VANGL2: variants seen among roughly 807,000 people sequenced by gnomAD.
VANGL2 encodes vang-like protein 2.
In VANGL2, 14 loss-of-function variants were observed where a neutral mutation model predicts 50.2. The observed-to-expected ratio is 0.28, with a 90% confidence interval of 0.18 to 0.44. VANGL2 has a LOEUF of 0.44. VANGL2 is among the 20% of genes least tolerant of loss of function. The pLI is 1.00. For missense variants in VANGL2, 533 were observed against 701.5 expected, an observed-to-expected ratio of 0.76 and a Z score of 2.71; for synonymous variants, 295 against 297.2, an observed-to-expected ratio of 0.99 and a Z score of 0.08.
intron 1 of VANGL2, among the ~76,000 whole-genome samples, chr1:160,404,471 A>C (rs899425681): frequency 6.6e-6 from 1 of 152,214 alleles, no homozygotes; most frequent in Non-Finnish European, 1.5e-5. Context: ...CATTTAGTAC[A>C]TTCACAGTGC....
intron 7 of VANGL2, 93 bp downstream of exon 7, chr1:160,424,376 A>C: frequency 8.1e-7 from 1 of 1,228,260 alleles, no homozygotes; most frequent in Non-Finnish European, 1.2e-6. Flanking sequence ...TACTTTCCTC[A>C]CTGTCCACCT....
chr1:160,415,222 G>T (rs965875796), intron 1 of VANGL2, among the ~76,000 whole-genome samples: 1 of 152,178 alleles, frequency 6.6e-6, no homozygotes, highest in African/African-American at 2.4e-5. Context: ...GCCTGGGGTA[G>T]CCCCTGGACA....
At chr1:160,418,458 G>GTT (rs1234487986) in intron 3 of VANGL2, among the ~76,000 whole-genome samples, 1 of 141,536 alleles carries the variant, frequency 7.1e-6, no homozygotes, top group Non-Finnish European at 1.6e-5. Flanking sequence ...GGAGTTTTTT[G>GTT]TTTTTTTTTT....
At chr1:160,413,338 T>C (rs1233623054) in intron 1 of VANGL2, among the ~76,000 whole-genome samples, 1 of 151,366 alleles carries the variant, frequency 6.6e-6, no homozygotes, top group Non-Finnish European at 1.5e-5. Flanking sequence ...TGGAGTGTAG[T>C]GGCATGATCT....
Position 160,420,499 on chromosome 1 carries a change from G to C in VANGL2, c.889G>C (p.Val297Leu). 6.2e-7 allele frequency: 1 copy of C among 1,614,018 alleles called. No individual in the cohort carries two copies. The highest frequency in any genetic ancestry group is 8.5e-7 in the Non-Finnish European group (1 of 1,180,008). Reference protein sequence around the residue: ...NPALLNLPKSVLAKKVSGFKV... With the variant: ...NPALLNLPKSLLAKKVSGFKV... ...TGCCCTCCTCAACCTGCCCAAGTCC[G>C]TCCTGGCCAAGAAAGTGTCTGGCTT... Residue 297 changes from valine (V) to leucine (L), a missense_variant, in exon 5 of 8, where the codon GTC becomes CTC. Physicochemically the swap from Val to Leu is conservative, Grantham distance 32. Coordinates refer to ENST00000368061, the MANE Select transcript of VANGL2 (RefSeq NM_020335.3).
At position 160,427,554 on chromosome 1, in the gene VANGL2, C is replaced by CATTATTATTATTATT. The variant is rs112160063; in HGVS notation, c.*2193_*2207dup. The CATTATTATTATTATT allele has an allele frequency of 3.8e-4, 55 of 146,554 alleles. No homozygotes were observed. Among genetic ancestry groups the CATTATTATTATTATT allele is most frequent in the South Asian group, 8.7e-4 (4 of 4,598 alleles). 9.1% of individuals were successfully genotyped at this position (146,554 alleles called of 1,614,324 possible). A position where few individuals can be genotyped will look rare whatever the true frequency, so the allele number is the denominator to read the frequency against. On this transcript the variant is annotated 3_prime_UTR_variant, in exon 8 of 8. Coordinates refer to ENST00000368061, the MANE Select transcript of VANGL2 (RefSeq NM_020335.3). ...GAACTGTGGTATCTTTGTCTTTTTT[C>CATTATTATTATTATT]ATTATTATTATTATTATTATTATTA... is the stretch of plus-strand genomic sequence containing the variant.
At chr1:160,401,673 C>A (rs1391769868) in intron 1 of VANGL2, among the ~76,000 whole-genome samples, 1 of 151,866 alleles carries the variant, frequency 6.6e-6, no homozygotes. Flanking sequence ...AGCGGCTGAC[C>A]ATGCATCTGC....
At position 160,415,705 on chromosome 1, in the gene VANGL2, C is replaced by A; in HGVS notation, c.-133C>A. The A allele has an allele frequency of 9.7e-7, 1 of 1,026,878 alleles. No individual in the cohort carries two copies. The highest frequency in any genetic ancestry group is 1.5e-6 in the Non-Finnish European group (1 of 678,940). 63.6% of individuals were successfully genotyped at this position (1,026,878 alleles called of 1,614,324 possible). ...ACCCGTCCAGCAAAATAGAGTCCCTCAGGGTGACAGTTGACTTCCTGAAGG... is the reference window on the plus strand; with the variant it reads ...ACCCGTCCAGCAAAATAGAGTCCCTAAGGGTGACAGTTGACTTCCTGAAGG... On this transcript the variant is annotated 5_prime_UTR_variant, in exon 2 of 8. Coordinates refer to ENST00000368061, the MANE Select transcript of VANGL2 (RefSeq NM_020335.3).
intron 7 of VANGL2, among the ~76,000 whole-genome samples, 172 bp downstream of exon 7, chr1:160,424,455 G>C (rs1245103693): frequency 6.6e-6 from 1 of 152,024 alleles, no homozygotes; most frequent in African/African-American, 2.4e-5. Context: ...TGCCCCATCT[G>C]TGTGGGGTGA....
intron 7 of VANGL2, among the ~76,000 whole-genome samples, chr1:160,424,501 G>C (rs1651384866): frequency 6.6e-6 from 1 of 152,130 alleles, no homozygotes; most frequent in Non-Finnish European, 1.5e-5. Flanking sequence ...GAGTCCTCAG[G>C]ACCATTTTGG....
intron 4 of VANGL2, among the ~76,000 whole-genome samples, 160 bp from the exon 5 acceptor site, chr1:160,420,251 C>T (rs1651219960): frequency 6.6e-6 from 1 of 152,020 alleles, no homozygotes; most frequent in Non-Finnish European, 1.5e-5. Context: ...GGCTTGGGAG[C>T]CTGGTAAGTA....
At chr1:160,414,869 G>C (rs1651000003) in intron 1 of VANGL2, among the ~76,000 whole-genome samples, 1 of 152,080 alleles carries the variant, frequency 6.6e-6, no homozygotes, top group African/African-American at 2.4e-5. Flanking sequence ...AGAGAGAGGA[G>C]AGGTCATTCT....
intron 1 of VANGL2, among the ~76,000 whole-genome samples, chr1:160,409,290 C>T (rs1190608294): frequency 3.3e-5 from 5 of 152,170 alleles, no homozygotes; most frequent in African/African-American, 9.7e-5. Context: ...AATGGGCTGC[C>T]GTAGAAGTAG....
intron 6 of VANGL2, among the ~76,000 whole-genome samples, chr1:160,423,402 A>C (rs1219597059): frequency 6.6e-6 from 1 of 152,224 alleles, no homozygotes; most frequent in Non-Finnish European, 1.5e-5. Flanking sequence ...TTTTGATGGA[A>C]AAGTAATATT....
At chr1:160,409,884 T>C (rs994022424) in intron 1 of VANGL2, among the ~76,000 whole-genome samples, 1 of 152,150 alleles carries the variant, frequency 6.6e-6, no homozygotes, top group African/African-American at 2.4e-5. Context: ...ATTGATATCC[T>C]TGGACCTTGG....
Position 160,415,861 on chromosome 1 carries a change from G to C in VANGL2, c.24G>C (p.Ser8=), listed in dbSNP as rs138071353. 1.7e-5 allele frequency: 27 copies of C among 1,613,882 alleles called. No individual in the cohort carries two copies. The highest frequency in any genetic ancestry group is 1.9e-5 in the Non-Finnish European group (23 of 1,179,984). MDTESQY[S]GYSYKSGHSR... ...CCATGGACACCGAGTCCCAGTACTC[G>C]GGCTATTCCTACAAGTCGGGCCACT... The change falls in exon 2 of 8, where the codon TCG becomes TCC. Residue 8 remains serine (S), a synonymous_variant. Transcript: ENST00000368061.
intron 7 of VANGL2, 36 bp downstream of exon 7, chr1:160,424,319 C>G (rs902358385): frequency 5.7e-6 from 9 of 1,590,244 alleles, no homozygotes; most frequent in Non-Finnish European, 7.8e-6. Context: ...CTTCCTCCTT[C>G]CCCAGCTCCT....
chr1:160,420,918 G>T, intron 5 of VANGL2, 134 bp from the exon 6 acceptor site: 1 of 1,344,824 alleles, frequency 7.4e-7, no homozygotes, highest in Non-Finnish European at 1.0e-6. Flanking sequence ...CAGGAGGGTT[G>T]GGATTAGGAG....
chr1:160,408,109 C>T (rs538196368), intron 1 of VANGL2, among the ~76,000 whole-genome samples: 2 of 150,808 alleles, frequency 1.3e-5, no homozygotes, highest in South Asian at 2.1e-4. Flanking sequence ...AATGTGCACA[C>T]GTGTCTGCTT....
Sources: gnomAD v4.1 joint callset for allele counts (sites outside exome capture counted in the v4.1 genomes callset) on GRCh38, gnomAD v4.1.1 for gene constraint, MANE v1.5 for transcripts, NCBI Gene and HGNC (gene_info 2026-07-23, HGNC 2026-07-21) for gene names.